NRG2: variants seen among roughly 807,000 people sequenced by gnomAD.
NRG2 encodes the protein neuregulin 2, also known as pro-neuregulin-2, membrane-bound isoform.
A neutral mutation model predicts 73.9 loss-of-function variants in NRG2; 27 were observed. That is an observed-to-expected ratio of 0.37 (90% confidence interval 0.27 to 0.50). The LOEUF is 0.50. Among genes scored for constraint, NRG2 ranks in the 20% least tolerant of loss-of-function variants. NRG2 has a pLI of 0.96. For synonymous variants in NRG2, 532 were observed against 541.0 expected (o/e 0.98, Z 0.23); for missense variants, 1,126 against 1,210.1 (o/e 0.93, Z 1.03).
At chr5:139,864,973 G>C (rs747955529) in intron 5 of NRG2, 2 of 756,078 alleles carry the variant, frequency 2.6e-6, no homozygotes, top group East Asian at 5.1e-5. Flanking sequence ...AGGTGGGGGT[G>C]CCGGGGGTGT....
rs114948124 is a variant in NRG2 at position 139,983,147 on chromosome 5, C to G, written c.700+59223G>C. Among the ~76,000 whole-genome samples, 346 of 152,294 alleles carry G rather than the reference C, an allele frequency of 2.3e-3. 2 individuals carry two copies. The highest frequency in any genetic ancestry group is 8.1e-3 in the African/African-American group (337 of 41,544). ...ATTCTCCTTGATTCTCAGAGTCACT[C>G]CCCTGGAGGTGAGCAGATGGCTCAG... is the stretch of plus-strand genomic sequence containing the variant. On this transcript the variant is annotated intron_variant, in intron 1 of 9. Transcript: ENST00000361474.
intron 1 of NRG2, among the ~76,000 whole-genome samples, chr5:139,902,151 C>T (rs1764928405): frequency 6.6e-6 from 1 of 152,342 alleles, no homozygotes; most frequent in South Asian, 2.1e-4. Context: ...TTACCCAACA[C>T]CCCCAGCACC....
At chr5:139,938,884 GAAAGAAAGAAAGAAAGAAAGA>G (rs1472968681) in intron 1 of NRG2, among the ~76,000 whole-genome samples, 1,342 of 44,200 alleles carry the variant, frequency 0.03, 55 homozygotes, top group African/African-American at 0.093. Flanking sequence ...GAGAGAGAAG[GAAAGAAAGAAAGAAAGAAAGA>G]AAAGAAAGAA....
chr5:139,935,278 G>A (rs183479955), intron 1 of NRG2, among the ~76,000 whole-genome samples: 4 of 152,282 alleles, frequency 2.6e-5, no homozygotes, highest in East Asian at 3.9e-4. Flanking sequence ...CTACTATAAC[G>A]AGATTTCAAC....
At chr5:139,854,789 C>T (rs1449927651) in intron 6 of NRG2, among the ~76,000 whole-genome samples, 2 of 152,108 alleles carry the variant, frequency 1.3e-5, no homozygotes, top group East Asian at 3.9e-4. Flanking sequence ...ATCAGAAGGT[C>T]ATAGGGCCTT....
chr5:140,012,772 T>C (rs1304559856), intron 1 of NRG2, among the ~76,000 whole-genome samples: 1 of 152,218 alleles, frequency 6.6e-6, no homozygotes. Context: ...CTTTCTTCCC[T>C]TCTCTTTCTT....
chr5:139,963,580 C>A (rs775137154), intron 1 of NRG2, among the ~76,000 whole-genome samples: 10 of 152,208 alleles, frequency 6.6e-5, no homozygotes, highest in Non-Finnish European at 1.0e-4. Flanking sequence ...TTACCATGTG[C>A]CAGCCACCAT....
At chr5:140,028,676 G>A (rs1760893804) in intron 1 of NRG2, among the ~76,000 whole-genome samples, 1 of 152,144 alleles carries the variant, frequency 6.6e-6, no homozygotes, top group African/African-American at 2.4e-5. Context: ...CATGTGTGAG[G>A]AATATAAATA....
chr5:140,019,818 T>C (rs993181518), intron 1 of NRG2, among the ~76,000 whole-genome samples: 1 of 152,178 alleles, frequency 6.6e-6, no homozygotes, highest in African/African-American at 2.4e-5. Context: ...TGGGGCACAA[T>C]TTTGGCTCAC....
In NRG2 at chr5:139,887,370, C is replaced by T. The variant is rs773423526; in HGVS notation, c.842G>A (p.Arg281Gln). The change falls in exon 2 of 10, where the codon CGA (arginine) becomes CAA (glutamine). Residue 281 changes from arginine (R) to glutamine (Q), a missense_variant. By Grantham distance (43) the Arg-to-Gln change is conservative. Transcript: ENST00000361474. The surrounding 1 kb of genome is among the most constrained non-coding windows in gnomAD (Gnocchi z 4.5). ...FKDGKELNRS[R>Q]DIRIKYGNGR... The stretch of plus-strand genomic sequence containing the variant: ...GTTGCCATATTTGATGCGAATGTCT[C>T]GGCTGCGGTTGAGCTCCTTGCCATC... The T allele has an allele frequency of 1.3e-5, 21 of 1,614,108 alleles. No homozygotes were observed. The highest frequency in any genetic ancestry group is 1.6e-4 in the Middle Eastern group (1 of 6,084).
chr5:139,944,937 T>C (rs535263282), intron 1 of NRG2, among the ~76,000 whole-genome samples: 2 of 152,330 alleles, frequency 1.3e-5, no homozygotes, highest in African/African-American at 4.8e-5. Flanking sequence ...TTTTTGATTA[T>C]AGCCATCCTA....
intron 1 of NRG2, among the ~76,000 whole-genome samples, chr5:140,000,788 T>C (rs537048823): frequency 6.6e-6 from 1 of 152,196 alleles, no homozygotes; most frequent in South Asian, 2.1e-4. Context: ...GGAGCGGCCA[T>C]AGATTCCTAT....
At position 139,904,549 on chromosome 5, in the gene NRG2, C is replaced by T. The variant is rs1215782663; in HGVS notation, c.701-17038G>A. ...GGGAGCAGCGAGCCTTAACTCTTCC[C>T]CTCCCGCGCCCTCCACCCTCGCCCC... On this transcript the variant is annotated intron_variant, in intron 1 of 9. Transcript: ENST00000361474. The surrounding 1 kb of genome is among the most constrained non-coding windows in gnomAD (Gnocchi z 6.0). Among the ~76,000 whole-genome samples, 3 of 152,060 alleles carry T rather than the reference C, an allele frequency of 2.0e-5. No homozygotes were observed. The highest frequency in any genetic ancestry group is 7.2e-5 in the African/African-American group (3 of 41,432).
intron 1 of NRG2, among the ~76,000 whole-genome samples, chr5:139,990,451 G>A (rs1390537265): frequency 6.6e-6 from 1 of 151,946 alleles, no homozygotes; most frequent in African/African-American, 2.4e-5. Context: ...GACTATAGGT[G>A]CACACCACTA....
At chr5:139,930,672 G>A (rs1199705324) in intron 1 of NRG2, among the ~76,000 whole-genome samples, 1 of 152,130 alleles carries the variant, frequency 6.6e-6, no homozygotes, top group African/African-American at 2.4e-5. Flanking sequence ...GCTCCACTTG[G>A]CAAAAATGGC....
chr5:139,858,002 C>G (rs1381283378), intron 5 of NRG2, among the ~76,000 whole-genome samples: 1 of 152,220 alleles, frequency 6.6e-6, no homozygotes, highest in Admixed American at 6.5e-5. Context: ...CTCCTCCCCA[C>G]CCTGCCCCCA....
intron 1 of NRG2, among the ~76,000 whole-genome samples, chr5:139,932,224 GTGTGT>G (rs1234008331): frequency 1.3e-5 from 1 of 74,804 alleles, no homozygotes; most frequent in African/African-American, 6.8e-5. Flanking sequence ...AAAATGTAGT[GTGTGT>G]GTGTGTGTGT....
At chr5:140,015,959 G>A (rs1226335355) in intron 1 of NRG2, among the ~76,000 whole-genome samples, 2 of 152,154 alleles carry the variant, frequency 1.3e-5, no homozygotes, top group Admixed American at 6.6e-5. Context: ...CTTTCAAGGC[G>A]CCACATCTCA....
At chr5:139,957,307 C>CTG (rs70988722) in intron 1 of NRG2, among the ~76,000 whole-genome samples, 3,339 of 143,916 alleles carry the variant, frequency 0.023, 40 homozygotes, top group South Asian at 0.03. Flanking sequence ...TCAAGAATCT[C>CTG]TGTGTGTGTG....
Sources: allele counts gnomAD v4.1 joint callset (sites outside exome capture counted in the v4.1 genomes callset), GRCh38; gene constraint gnomAD v4.1.1; non-coding constraint Gnocchi (gnomAD v3.1); transcripts MANE v1.5; gene names NCBI Gene and HGNC (gene_info 2026-07-23, HGNC 2026-07-21).